FYN: variants seen among roughly 807,000 people sequenced by gnomAD.
FYN encodes FYN proto-oncogene, Src family tyrosine kinase.
A neutral mutation model predicts 70.2 loss-of-function variants in FYN; 10 were observed. The ratio of observed to expected loss-of-function variants is 0.14; its 90% CI spans 0.09 to 0.24. FYN has a LOEUF of 0.24. FYN is among the 10% of genes least tolerant of loss of function. The probability of loss-of-function intolerance (pLI) is 1.00; values close to 1 mark genes in which losing one functional copy is unlikely to be tolerated. For synonymous variants in FYN, 236 were observed against 248.6 expected, an observed-to-expected ratio of 0.95 and a Z score of 0.48; for missense variants, 319 against 673.1, an observed-to-expected ratio of 0.47 and a Z score of 5.82.
At chr6:111,848,512 G>A (rs924267443) in intron 1 of FYN, among the ~76,000 whole-genome samples, 1 of 152,070 alleles carries the variant, frequency 6.6e-6, no homozygotes, top group Non-Finnish European at 1.5e-5. Context: ...ACATATATAC[G>A]GCATCATCCA....
At chr6:111,812,099 G>C (rs1186307389) in intron 2 of FYN, among the ~76,000 whole-genome samples, 2 of 152,216 alleles carry the variant, frequency 1.3e-5, no homozygotes, top group African/African-American at 4.8e-5. Flanking sequence ...CTTGTAAAGA[G>C]CCTTGTACAT....
intron 1 of FYN, among the ~76,000 whole-genome samples, chr6:111,867,458 GAAAAAAAA>G (rs373634134): frequency 3.7e-4 from 26 of 70,464 alleles, no homozygotes; most frequent in African/African-American, 1.0e-3. Context: ...TCCGTCTCGG[GAAAAAAAA>G]AAAAAAAAAA....
chr6:111,788,507 A>G (rs2128511417), intron 2 of FYN, among the ~76,000 whole-genome samples: 1 of 152,230 alleles, frequency 6.6e-6, no homozygotes, highest in South Asian at 2.1e-4. Context: ...TCATTTTCGA[A>G]AGCAAAGAAT....
intron 12 of FYN, among the ~76,000 whole-genome samples, chr6:111,684,147 G>A (rs1407752527): frequency 6.6e-6 from 1 of 152,200 alleles, no homozygotes; most frequent in Non-Finnish European, 1.5e-5. Context: ...GAGAAGGAGG[G>A]AGGTTGGGAG....
intron 12 of FYN, among the ~76,000 whole-genome samples, chr6:111,680,314 C>T (rs776273886): frequency 5.3e-5 from 8 of 152,148 alleles, no homozygotes; most frequent in South Asian, 2.1e-4. Flanking sequence ...GAGCTGGAAG[C>T]TTAGTTTGAG....
At chr6:111,762,476 T>C (rs1803047757) in intron 3 of FYN, among the ~76,000 whole-genome samples, 2 of 151,780 alleles carry the variant, frequency 1.3e-5, no homozygotes, top group Admixed American at 1.3e-4. Context: ...CCCTTTGGAG[T>C]TCAGGCACAA....
rs111882562 is a variant in FYN, at chr6:111,699,398, T to A, written c.862+706A>T. On this transcript the variant is annotated intron_variant, in intron 9 of 13. Transcript: ENST00000354650. ...TGAAAATCTGGATGGCCTGTGCCCG[T>A]CTAGTTATCCAGGTTAAGTGTCTTT... 3.8e-4 allele frequency: 413 copies of A among 1,083,742 alleles called. 3 individuals carry two copies. The African/African-American group carries it at 6.1e-3, about 16-fold the overall frequency. 67.1% of individuals were successfully genotyped at this position (1,083,742 alleles called of 1,614,324 possible).
chr6:111,666,506 C>G (rs777009501), intron 13 of FYN, among the ~76,000 whole-genome samples: 10 of 152,314 alleles, frequency 6.6e-5, no homozygotes, highest in Non-Finnish European at 1.5e-4. Flanking sequence ...TCTAGAATTG[C>G]TCAGGAAAAC....
intron 3 of FYN, among the ~76,000 whole-genome samples, chr6:111,763,808 T>C (rs1267396396): frequency 2.0e-5 from 3 of 152,200 alleles, no homozygotes; most frequent in African/African-American, 4.8e-5. Flanking sequence ...GAGCACTTAC[T>C]AGCTGGGAGA....
At chr6:111,859,989 T>C (rs1246738438) in intron 1 of FYN, among the ~76,000 whole-genome samples, 1 of 152,098 alleles carries the variant, frequency 6.6e-6, no homozygotes, top group Non-Finnish European at 1.5e-5. Flanking sequence ...CCTGTGAAGA[T>C]GGAGGCAGAG....
At chr6:111,760,287 C>T (rs567348792) in intron 3 of FYN, among the ~76,000 whole-genome samples, 1 of 152,058 alleles carries the variant, frequency 6.6e-6, no homozygotes, top group African/African-American at 2.4e-5. Context: ...AGAGCAAACC[C>T]GCACTGCTTG....
chr6:111,803,315 T>A (rs1490279218), intron 2 of FYN, among the ~76,000 whole-genome samples: 1 of 152,196 alleles, frequency 6.6e-6, no homozygotes, highest in East Asian at 1.9e-4. Flanking sequence ...CCTTTTTTTC[T>A]CTCCCAAATC....
At chr6:111,754,055 T>A (rs188985668) in intron 3 of FYN, among the ~76,000 whole-genome samples, 1 of 152,308 alleles carries the variant, frequency 6.6e-6, no homozygotes, top group East Asian at 1.9e-4. Flanking sequence ...CTAGTAAGAC[T>A]GAACTTTGAT....
At chr6:111,733,085 C>T (rs1801544856) in intron 3 of FYN, among the ~76,000 whole-genome samples, 1 of 152,158 alleles carries the variant, frequency 6.6e-6, no homozygotes, top group Admixed American at 6.5e-5. Context: ...GGCCACGTGT[C>T]TCCCCACTCC....
chr6:111,711,903 T>C (rs1185539018), intron 5 of FYN, among the ~76,000 whole-genome samples: 3 of 152,236 alleles, frequency 2.0e-5, no homozygotes, highest in Admixed American at 6.5e-5. Context: ...ATTCCACTGA[T>C]ATGGAATTCC....
chr6:111,807,087 G>C (rs147611553), intron 2 of FYN, among the ~76,000 whole-genome samples: 202 of 152,342 alleles, frequency 1.3e-3, no homozygotes, highest in African/African-American at 4.6e-3. Context: ...GTGTGTGACA[G>C]GGACAGACTA....
intron 12 of FYN, among the ~76,000 whole-genome samples, chr6:111,689,124 T>C (rs1376737039): frequency 2.0e-5 from 3 of 152,194 alleles, no homozygotes; most frequent in East Asian, 3.8e-4. Context: ...AGATAGCCCA[T>C]GTAAGTTTCA....
chr6:111,670,643 C>T (rs536616819), intron 13 of FYN, among the ~76,000 whole-genome samples: 9 of 150,466 alleles, frequency 6.0e-5, no homozygotes, highest in East Asian at 1.9e-4. Context: ...TGTAGAATTA[C>T]GTTTTCTAGG....
At chr6:111,856,273 A>C (rs1773820621) in intron 1 of FYN, among the ~76,000 whole-genome samples, 1 of 152,222 alleles carries the variant, frequency 6.6e-6, no homozygotes, top group Admixed American at 6.5e-5. Flanking sequence ...CTTTGCATCT[A>C]AGAGCTATTT....
Sources: allele counts gnomAD v4.1 joint callset (sites outside exome capture counted in the v4.1 genomes callset), GRCh38; gene constraint gnomAD v4.1.1; transcripts MANE v1.5; gene names NCBI Gene and HGNC (gene_info 2026-07-23, HGNC 2026-07-21).